Variants in PPM1L observed in about 807,000 individuals in gnomAD.
PPM1L encodes the protein protein phosphatase 1L.
PPM1L carries 13 observed loss-of-function variants against 31.4 expected under a neutral mutation model. The observed-to-expected ratio is 0.41, with a 90% confidence interval of 0.27 to 0.66. PPM1L has a LOEUF of 0.66. Ranked by LOEUF, PPM1L falls within the 30% of genes least tolerant of loss-of-function variation. PPM1L has a pLI of 0.29. For synonymous variants in PPM1L, 184 were observed against 175.4 expected, an observed-to-expected ratio of 1.05 and a Z score of -0.39; for missense variants, 326 against 453.7, an observed-to-expected ratio of 0.72 and a Z score of 2.56.
rs534236264 is a variant in PPM1L, at chr3:161,049,793, G to A, written c.575-15610G>A. ...ATCTGGTTTGAGATTCTGGCATCCT[G>A]TAACTCCTCCTCCTCACCAGCCCTG... On this transcript the variant is annotated intron_variant, in intron 2 of 3. Transcript: ENST00000498165. Among the ~76,000 whole-genome samples, 11 of 152,244 alleles carry A rather than the reference G, an allele frequency of 7.2e-5. No homozygotes were observed. The South Asian group carries it at 1.7e-3, about 23-fold the overall frequency.
intron 1 of PPM1L, among the ~76,000 whole-genome samples, chr3:160,878,460 G>A (rs1159689039): frequency 1.3e-5 from 2 of 152,136 alleles, no homozygotes; most frequent in East Asian, 1.9e-4. Flanking sequence ...TTATGGCTGT[G>A]TCCTCACATG....
chr3:161,022,455 T>TA lies in PPM1L; in HGVS notation c.575-42941dup, dbSNP rs1451326231. On this transcript the variant is annotated intron_variant, in intron 2 of 3. Transcript: ENST00000498165. ...TTTTTAAATTAAAATCCTGCTTCTG[T>TA]AAAAAAATACATTTCTATTGTCTAT... is the stretch of plus-strand genomic sequence containing the variant. The TA allele has an allele frequency of 2.9e-5, 8 of 276,012 alleles. No homozygotes were observed. The East Asian group carries it at 3.6e-4, about 12-fold the overall frequency. 17.1% of individuals were successfully genotyped at this position (276,012 alleles called of 1,614,324 possible). A position where few individuals can be genotyped will look rare whatever the true frequency, so the allele number is the denominator to read the frequency against.
intron 1 of PPM1L, among the ~76,000 whole-genome samples, chr3:160,828,506 G>T (rs539908843): frequency 1.3e-5 from 2 of 152,218 alleles, no homozygotes; most frequent in East Asian, 3.9e-4. Flanking sequence ...CCCTTATTCT[G>T]TAAAACAGAG....
chr3:160,975,249 A>C (rs562406622), intron 2 of PPM1L, among the ~76,000 whole-genome samples: 1 of 152,050 alleles, frequency 6.6e-6, no homozygotes, highest in Non-Finnish European at 1.5e-5. Context: ...TTTTGGTACC[A>C]GTACCATGCT....
At chr3:160,984,039 T>A (rs1716886422) in intron 2 of PPM1L, among the ~76,000 whole-genome samples, 1 of 152,172 alleles carries the variant, frequency 6.6e-6, no homozygotes, top group African/African-American at 2.4e-5. Context: ...TGTCCCGCTG[T>A]GTATGCATTG....
chr3:160,973,831 G>C (rs55776616), intron 2 of PPM1L, among the ~76,000 whole-genome samples: 2 of 108,302 alleles, frequency 1.8e-5, no homozygotes, highest in Non-Finnish European at 4.3e-5. Context: ...TTTTTTTTGA[G>C]AATGATTCTA....
intron 2 of PPM1L, among the ~76,000 whole-genome samples, chr3:161,027,309 G>A (rs533308473): frequency 2.6e-5 from 4 of 152,310 alleles, no homozygotes; most frequent in African/African-American, 9.6e-5. Context: ...GTAGGCCTAG[G>A]AGCAGCAGTC....
chr3:160,775,412 A>G (rs1376180799), intron 1 of PPM1L, among the ~76,000 whole-genome samples: 5 of 152,170 alleles, frequency 3.3e-5, no homozygotes, highest in Non-Finnish European at 7.3e-5. Context: ...TTGAGGAGAT[A>G]ATTTATTTAT....
chr3:160,857,087 A>G (rs1291232970), intron 1 of PPM1L, among the ~76,000 whole-genome samples: 1 of 152,244 alleles, frequency 6.6e-6, no homozygotes, highest in Admixed American at 6.5e-5. Flanking sequence ...CTACCACTTT[A>G]AAAGAAAGAA....
intron 2 of PPM1L, among the ~76,000 whole-genome samples, chr3:160,990,508 T>A (rs552683509): frequency 5.3e-4 from 81 of 152,330 alleles, no homozygotes; most frequent in African/African-American, 1.9e-3. Flanking sequence ...AATGGAGTTG[T>A]CAGATGTGTG....
At chr3:160,792,125 CCTTA>C (rs1481767447) in intron 1 of PPM1L, among the ~76,000 whole-genome samples, 1 of 152,068 alleles carries the variant, frequency 6.6e-6, no homozygotes, top group Non-Finnish European at 1.5e-5. Context: ...AGAAAGAAAT[CCTTA>C]CTTTTATATA....
intron 1 of PPM1L, among the ~76,000 whole-genome samples, chr3:160,937,323 A>G (rs1015034821): frequency 8.5e-5 from 13 of 152,184 alleles, no homozygotes; most frequent in Admixed American, 6.5e-5. Flanking sequence ...ATGAAAGAAT[A>G]CAAAACCATG....
At chr3:161,040,047 G>C (rs185836551) in intron 2 of PPM1L, among the ~76,000 whole-genome samples, 1 of 152,218 alleles carries the variant, frequency 6.6e-6, no homozygotes, top group East Asian at 1.9e-4. Flanking sequence ...AAATCTACTG[G>C]GTTTGGATGT....
intron 1 of PPM1L, among the ~76,000 whole-genome samples, chr3:160,808,562 CATT>C (rs147039068): frequency 6.6e-6 from 1 of 152,224 alleles, no homozygotes; most frequent in East Asian, 1.9e-4. Flanking sequence ...CCAGCTGGCT[CATT>C]TTCAGACTGG....
intron 1 of PPM1L, among the ~76,000 whole-genome samples, chr3:160,890,559 AATTCATAT>A (rs1713102984): frequency 6.6e-6 from 1 of 152,244 alleles, no homozygotes; most frequent in Non-Finnish European, 1.5e-5. Flanking sequence ...TGCCCAAAGT[AATTCATAT>A]ATTCAATGCT....
intron 1 of PPM1L, among the ~76,000 whole-genome samples, chr3:160,922,435 C>T (rs749777703): frequency 1.7e-3 from 262 of 152,316 alleles, no homozygotes; most frequent in Non-Finnish European, 2.7e-3. Context: ...ATATGTTCCT[C>T]TGTCCCTGGG....
intron 1 of PPM1L, among the ~76,000 whole-genome samples, chr3:160,787,150 A>G (rs1297960994): frequency 6.6e-6 from 1 of 152,118 alleles, no homozygotes; most frequent in Non-Finnish European, 1.5e-5. Context: ...GAATGGGAGT[A>G]CTATGTTAAG....
chr3:161,034,557 C>A (rs552051179), intron 2 of PPM1L, among the ~76,000 whole-genome samples: 38 of 152,016 alleles, frequency 2.5e-4, no homozygotes, highest in African/African-American at 8.7e-4. Context: ...GTGGATGAAG[C>A]TGGAAACCAT....
intron 1 of PPM1L, among the ~76,000 whole-genome samples, chr3:160,881,725 T>G (rs1712724957): frequency 6.6e-6 from 1 of 152,188 alleles, no homozygotes; most frequent in African/African-American, 2.4e-5. Context: ...GTGTCTTATC[T>G]CCCAAGATGC....
Sources: gnomAD v4.1 joint callset for allele counts (sites outside exome capture counted in the v4.1 genomes callset) on GRCh38, gnomAD v4.1.1 for gene constraint, MANE v1.5 for transcripts, NCBI Gene and HGNC (gene_info 2026-07-23, HGNC 2026-07-21) for gene names.